The following SIM2 variants were observed in gnomAD, a reference collection of about 807,000 sequenced individuals.
SIM2 encodes SIM bHLH transcription factor 2, also known as single-minded homolog 2.
In SIM2, 28 loss-of-function variants were observed where a neutral mutation model predicts 64.8. The ratio of observed to expected loss-of-function variants is 0.43; its 90% CI spans 0.32 to 0.59. The LOEUF (loss-of-function observed/expected upper bound fraction) is 0.59. SIM2 is among the 20% of genes least tolerant of loss of function. SIM2 has a pLI of 0.07. For synonymous variants in SIM2, 408 were observed against 391.1 expected (o/e 1.04, Z -0.51); for missense variants, 847 against 871.4 (o/e 0.97, Z 0.35).
chr21:36,733,248 GGA>G (rs1387238314), intron 7 of SIM2, among the ~76,000 whole-genome samples: 1 of 152,050 alleles, frequency 6.6e-6, no homozygotes, highest in Admixed American at 6.6e-5. Flanking sequence ...TTAATGAGAT[GGA>G]GTCTCGCTCT....
intron 2 of SIM2, chr21:36,710,122 T>C (rs2088654071): frequency 1.3e-5 from 2 of 153,360 alleles, no homozygotes; most frequent in Admixed American, 6.5e-5. Flanking sequence ...TTGATTCTGT[T>C]TTTAACTCCA....
chr21:36,732,763 C>T (rs953502167), intron 7 of SIM2, among the ~76,000 whole-genome samples: 12 of 152,184 alleles, frequency 7.9e-5, no homozygotes, highest in African/African-American at 2.9e-4. Flanking sequence ...ACTTCTCCGT[C>T]GGTGTCACTA....
At chr21:36,739,883 G>A (rs981931361) in intron 7 of SIM2, among the ~76,000 whole-genome samples, 7 of 134,278 alleles carry the variant, frequency 5.2e-5, no homozygotes, top group African/African-American at 1.7e-4. Context: ...GCTGAGGCAG[G>A]AGAATTGCTT....
rs945492076 is a variant in SIM2, at chr21:36,747,782, C to T, written c.1694C>T (p.Ala565Val). 9.7e-5 allele frequency: 106 copies of T among 1,096,948 alleles called. No homozygotes were observed. The highest frequency in any genetic ancestry group is 1.1e-4 in the Non-Finnish European group (100 of 904,236). 68.0% of individuals were successfully genotyped at this position (1,096,948 alleles called of 1,614,324 possible). ...CCGGCCAAAGCCGCCCGCCAGGCCG[C>T]CCGGGACGGGGCGCGGCTGGCGCTG... ...LGPAKAARQA[A>V]RDGARLALAR... The change falls in exon 11 of 11, where the codon GCC becomes GTC. Residue 565 changes from alanine to valine, a missense_variant. Ala to Val is a moderately conservative substitution (Grantham distance 64). This residue lies in a region of SIM2 where 447 missense variants were observed against 414.6 expected (regional missense o/e 1.08). Transcript: ENST00000290399. The surrounding 1 kb of genome is among the most constrained non-coding windows in gnomAD (Gnocchi z 4.5).
intron 4 of SIM2, among the ~76,000 whole-genome samples, chr21:36,722,172 C>T (rs139240466): frequency 2.7e-4 from 41 of 152,294 alleles, no homozygotes; most frequent in African/African-American, 9.4e-4. Context: ...ACCCACCGTG[C>T]TTGTCTGGAA....
chr21:36,713,307 G>A (rs971325103), intron 3 of SIM2, among the ~76,000 whole-genome samples: 2 of 152,198 alleles, frequency 1.3e-5, no homozygotes, highest in African/African-American at 4.8e-5. Context: ...AGAGGAAAGA[G>A]GGGGACTCAG....
At chr21:36,700,012 G>T (rs2088466303) in intron 1 of SIM2, 91 bp downstream of exon 1, 7 of 1,351,200 alleles carry the variant, frequency 5.2e-6, no homozygotes, top group Non-Finnish European at 7.0e-6. Flanking sequence ...CAGAGGGGTT[G>T]CCGCGGCCTG....
intron 6 of SIM2, among the ~76,000 whole-genome samples, chr21:36,729,531 G>C (rs2088937896): frequency 6.6e-6 from 1 of 152,182 alleles, no homozygotes. Flanking sequence ...AACAGAAAGG[G>C]AAGCGGGTTA....
intron 3 of SIM2, among the ~76,000 whole-genome samples, chr21:36,713,070 G>A (rs2088698267): frequency 6.6e-6 from 1 of 152,200 alleles, no homozygotes; most frequent in Admixed American, 6.5e-5. Context: ...GAGAGAGAAT[G>A]GGGAGGGGTA....
intron 6 of SIM2, among the ~76,000 whole-genome samples, chr21:36,729,481 G>T (rs544861508): frequency 2.0e-5 from 3 of 152,138 alleles, no homozygotes; most frequent in South Asian, 4.2e-4. Flanking sequence ...GGAAACATGA[G>T]GCTCTCCGAG....
intron 7 of SIM2, among the ~76,000 whole-genome samples, chr21:36,739,900 AG>A (rs1201591550): frequency 2.7e-5 from 2 of 75,068 alleles, no homozygotes; most frequent in African/African-American, 1.1e-4. Context: ...GCTTGAACCC[AG>A]GAGGCAGGTT....
At chr21:36,738,743 T>C (rs1040369047) in intron 7 of SIM2, among the ~76,000 whole-genome samples, 2 of 152,196 alleles carry the variant, frequency 1.3e-5, no homozygotes, top group African/African-American at 4.8e-5. Context: ...GAGCTGGAAG[T>C]AGACACCATG....
In SIM2 at chr21:36,699,388, C is replaced by T; in HGVS notation, c.-359C>T. ...GAGCACTCGACGAAGGAGTAAGCAG[C>T]GCCTCCGCCTCCGCGCCGGCCGCCC... On this transcript the variant is annotated 5_prime_UTR_variant, in exon 1 of 11. Coordinates refer to ENST00000290399, the MANE Select transcript of SIM2 (RefSeq NM_005069.6). This position sits in a 1 kb window ranked among gnomAD's most constrained non-coding sequence, Gnocchi z 5.6. The T allele has an allele frequency of 6.2e-6, 1 of 161,688 alleles. No homozygotes were observed. The highest frequency in any genetic ancestry group is 1.3e-5 in the Non-Finnish European group (1 of 75,850). 10.0% of individuals were successfully genotyped at this position (161,688 alleles called of 1,614,324 possible).
At chr21:36,744,624 C>T (rs2089205460) in intron 9 of SIM2, 104 bp from the exon 10 acceptor site, 2 of 1,388,656 alleles carry the variant, frequency 1.4e-6, no homozygotes, top group South Asian at 1.5e-5. Flanking sequence ...GTAGGGGCAG[C>T]CCTTGGATGG....
chr21:36,748,741 C>T lies in SIM2; in HGVS notation c.*649C>T, dbSNP rs1337384253. 1 of 152,584 alleles carries T rather than the reference C, an allele frequency of 6.6e-6. No homozygotes were observed. Among genetic ancestry groups the T allele is most frequent in the Non-Finnish European group, 1.5e-5 (1 of 68,050 alleles). 9.5% of individuals were successfully genotyped at this position (152,584 alleles called of 1,614,324 possible). ...TGTCTGTGAACATAGGTGTGCTTCC[C>T]AAATACATTAACAAGCTCTTACTTC... On this transcript the variant is annotated 3_prime_UTR_variant, in exon 11 of 11. Transcript: ENST00000290399.
In SIM2 at chr21:36,748,741, C is replaced by G. The variant is rs1337384253; in HGVS notation, c.*649C>G. ...TGTCTGTGAACATAGGTGTGCTTCC[C>G]AAATACATTAACAAGCTCTTACTTC... is the stretch of plus-strand genomic sequence containing the variant. On this transcript the variant is annotated 3_prime_UTR_variant, in exon 11 of 11. Coordinates refer to ENST00000290399, the MANE Select transcript of SIM2 (RefSeq NM_005069.6). The G allele has an allele frequency of 6.6e-6, 1 of 152,584 alleles. No individual in the cohort carries two copies. The highest frequency in any genetic ancestry group is 1.5e-5 in the Non-Finnish European group (1 of 68,050). The allele number at this position is 152,584 out of a possible 1,614,324, so 9.5% of individuals were successfully genotyped here.
chr21:36,723,337 G>A (rs531368025), intron 5 of SIM2, among the ~76,000 whole-genome samples: 90 of 152,220 alleles, frequency 5.9e-4, no homozygotes, highest in Admixed American at 3.4e-3. Flanking sequence ...GGAATTCATC[G>A]CATAAGACCC....
chr21:36,723,986 C>T (rs1223588486), intron 5 of SIM2, among the ~76,000 whole-genome samples: 1 of 152,224 alleles, frequency 6.6e-6, no homozygotes, highest in East Asian at 1.9e-4. Context: ...CATCATAACC[C>T]ATCAATATGA....
chr21:36,747,924 G>A lies in SIM2; in HGVS notation c.1836G>A (p.Leu612=), dbSNP rs1016886633. Residue 612 remains leucine, a synonymous_variant, in exon 11 of 11, where the codon CTG becomes CTA. Coordinates refer to ENST00000290399, the MANE Select transcript of SIM2 (RefSeq NM_005069.6). This position sits in a 1 kb window ranked among gnomAD's most constrained non-coding sequence, Gnocchi z 4.5. ...GCGTGCTGGCCCGGCGCGGACCGCT[G>A]GGGGGCGCCGCACCCGCCGCCTCCG... ...YHRVLARRGP[L]GGAAPAASGL... The A allele has an allele frequency of 1.6e-5, 17 of 1,038,472 alleles. No homozygotes were observed. Among genetic ancestry groups the A allele is most frequent in the South Asian group, 6.2e-5 (2 of 32,276 alleles). The allele number at this position is 1,038,472 out of a possible 1,614,324, so 64.3% of individuals were successfully genotyped here.
Sources: allele counts gnomAD v4.1 joint callset (sites outside exome capture counted in the v4.1 genomes callset), GRCh38; gene constraint gnomAD v4.1.1; regional missense constraint gnomAD v4.1.1; non-coding constraint Gnocchi (gnomAD v3.1); transcripts MANE v1.5; gene names NCBI Gene and HGNC (gene_info 2026-07-23, HGNC 2026-07-21).